The following GABRB2 variants were observed in gnomAD, a reference collection of about 807,000 sequenced individuals.
GABRB2 encodes gamma-aminobutyric acid receptor subunit beta-2.
Under a neutral mutation model 54.7 loss-of-function variants are expected in GABRB2, and 16 were observed. That is an observed-to-expected ratio of 0.29 (90% CI 0.20 to 0.44). GABRB2 has a LOEUF of 0.44. Among genes scored for constraint, GABRB2 ranks in the 20% least tolerant of loss-of-function variants. The probability of loss-of-function intolerance (pLI) is 1.00; values close to 1 mark genes in which losing one functional copy is unlikely to be tolerated. For synonymous variants in GABRB2, 244 were observed against 233.8 expected, an observed-to-expected ratio of 1.04 and a Z score of -0.40; for missense variants, 355 against 644.0, an observed-to-expected ratio of 0.55 and a Z score of 4.86.
chr5:161,437,051 G>A (rs989114416), intron 4 of GABRB2, among the ~76,000 whole-genome samples: 6 of 152,162 alleles, frequency 3.9e-5, no homozygotes, highest in African/African-American at 1.4e-4. Context: ...AACTTGAAAG[G>A]CAGTCTAGGC....
chr5:161,434,742 C>T (rs1411118302), intron 4 of GABRB2, among the ~76,000 whole-genome samples: 1 of 152,172 alleles, frequency 6.6e-6, no homozygotes, highest in Non-Finnish European at 1.5e-5. Flanking sequence ...ATTTTTTACA[C>T]TTCCTCATCT....
intron 3 of GABRB2, among the ~76,000 whole-genome samples, chr5:161,487,675 C>T (rs1257515620): frequency 6.6e-6 from 1 of 151,850 alleles, no homozygotes; most frequent in Non-Finnish European, 1.5e-5. Context: ...GTTTTCTCAT[C>T]TGTAAAATAG....
rs1757161627 is a variant in GABRB2, at chr5:161,289,025, AGATTAGAG to A, written c.*5048_*5055del. 6.6e-6 allele frequency: 1 copy of A among 152,164 alleles called. No homozygotes were observed. Among genetic ancestry groups the A allele is most frequent in the Admixed American group, 6.6e-5 (1 of 15,260 alleles). 9.4% of individuals were successfully genotyped at this position (152,164 alleles called of 1,614,324 possible). A position where few individuals can be genotyped will look rare whatever the true frequency, so the allele number is the denominator to read the frequency against. On this transcript the variant is annotated 3_prime_UTR_variant, in exon 10 of 10. Coordinates refer to ENST00000393959, the MANE Select transcript of GABRB2 (RefSeq NM_001371727.1). ...GCGCAAGGACACACACATGGGCATCAGATTAGAGGATGTGACACGGCAGTGACATTTGG... is the reference window on the plus strand; with the variant it reads ...GCGCAAGGACACACACATGGGCATCAGATGTGACACGGCAGTGACATTTGG...
At chr5:161,456,727 A>C (rs983273553) in intron 4 of GABRB2, among the ~76,000 whole-genome samples, 1 of 152,230 alleles carries the variant, frequency 6.6e-6, no homozygotes, top group Non-Finnish European at 1.5e-5. Context: ...TGACAAGTAC[A>C]TGCTAAGTCT....
chr5:161,416,500 T>C (rs1418663976), intron 4 of GABRB2, among the ~76,000 whole-genome samples: 1 of 151,784 alleles, frequency 6.6e-6, no homozygotes, highest in African/African-American at 2.4e-5. Context: ...AACTTCTACC[T>C]TGTTTGATTT....
At chr5:161,486,948 C>T (rs1758943068) in intron 3 of GABRB2, among the ~76,000 whole-genome samples, 2 of 151,824 alleles carry the variant, frequency 1.3e-5, no homozygotes, top group South Asian at 4.1e-4. Flanking sequence ...CCAAATCTAA[C>T]AGGAGAAAGG....
intron 3 of GABRB2, among the ~76,000 whole-genome samples, chr5:161,518,127 A>G (rs1760007289): frequency 1.3e-5 from 2 of 152,090 alleles, no homozygotes; most frequent in Non-Finnish European, 2.9e-5. Context: ...TTTTTTCATG[A>G]GAGAATGCTG....
chr5:161,304,772 C>T (rs985017228), intron 9 of GABRB2, among the ~76,000 whole-genome samples: 1 of 151,592 alleles, frequency 6.6e-6, no homozygotes, highest in Admixed American at 6.6e-5. Context: ...CGAATTGTTA[C>T]ATTTAATATT....
At chr5:161,350,733 T>C (rs1455007447) in intron 5 of GABRB2, among the ~76,000 whole-genome samples, 1 of 152,076 alleles carries the variant, frequency 6.6e-6, no homozygotes, top group Non-Finnish European at 1.5e-5. Flanking sequence ...GCAGCCAGGA[T>C]AAAAGCAGGC....
At chr5:161,384,736 A>C (rs1374731287) in intron 5 of GABRB2, among the ~76,000 whole-genome samples, 2 of 152,134 alleles carry the variant, frequency 1.3e-5, no homozygotes, top group African/African-American at 4.8e-5. Context: ...AACAAATGTG[A>C]GTATTTATCC....
At chr5:161,504,375 C>T (rs1759538783) in intron 3 of GABRB2, among the ~76,000 whole-genome samples, 1 of 152,118 alleles carries the variant, frequency 6.6e-6, no homozygotes, top group African/African-American at 2.4e-5. Flanking sequence ...AACAGAATCA[C>T]ATTAGATTTT....
chr5:161,457,833 TA>T (rs1384425647), intron 4 of GABRB2, among the ~76,000 whole-genome samples: 1 of 152,194 alleles, frequency 6.6e-6, no homozygotes, highest in Non-Finnish European at 1.5e-5. Flanking sequence ...CCTCAACTTT[TA>T]TTGCACTGCT....
chr5:161,509,652 A>G (rs1267970259), intron 3 of GABRB2, among the ~76,000 whole-genome samples: 1 of 151,894 alleles, frequency 6.6e-6, no homozygotes, highest in East Asian at 1.9e-4. Flanking sequence ...ATCTCTTCAC[A>G]TCACCACCTT....
At chr5:161,409,384 T>C (rs1756440656) in intron 5 of GABRB2, among the ~76,000 whole-genome samples, 2 of 152,144 alleles carry the variant, frequency 1.3e-5, no homozygotes, top group Non-Finnish European at 2.9e-5. Context: ...TTTAAATATT[T>C]GAGTCAAAAT....
chr5:161,433,045 T>A (rs771323305), intron 4 of GABRB2, among the ~76,000 whole-genome samples: 6 of 152,122 alleles, frequency 3.9e-5, no homozygotes, highest in Non-Finnish European at 7.4e-5. Flanking sequence ...CTGTATGCTC[T>A]TCAATGTGTG....
At chr5:161,439,087 A>G (rs1490904713) in intron 4 of GABRB2, among the ~76,000 whole-genome samples, 1 of 152,178 alleles carries the variant, frequency 6.6e-6, no homozygotes, top group Non-Finnish European at 1.5e-5. Context: ...AAAGAAGACT[A>G]ATTCAAGGCA....
intron 4 of GABRB2, among the ~76,000 whole-genome samples, chr5:161,418,695 A>C (rs893067541): frequency 6.6e-6 from 1 of 152,222 alleles, no homozygotes; most frequent in Admixed American, 6.6e-5. Flanking sequence ...AATAATCAAC[A>C]ACAGACAACC....
chr5:161,493,904 T>C (rs992552337), intron 3 of GABRB2, among the ~76,000 whole-genome samples: 5 of 151,802 alleles, frequency 3.3e-5, no homozygotes, highest in Admixed American at 1.3e-4. Flanking sequence ...TGTTGAAGCA[T>C]TCTAGGTTTA....
intron 3 of GABRB2, among the ~76,000 whole-genome samples, chr5:161,494,517 A>T (rs911342047): frequency 3.4e-5 from 5 of 147,306 alleles, no homozygotes; most frequent in Non-Finnish European, 7.5e-5. Flanking sequence ...GGCAGTGGGA[A>T]TATATTTACT....
Sources: allele counts gnomAD v4.1 joint callset (sites outside exome capture counted in the v4.1 genomes callset), GRCh38; gene constraint gnomAD v4.1.1; transcripts MANE v1.5; gene names NCBI Gene and HGNC (gene_info 2026-07-23, HGNC 2026-07-21).